COL14A1: variants seen among roughly 807,000 people sequenced by gnomAD.
COL14A1 encodes the protein collagen alpha-1(XIV) chain.
Under a neutral mutation model 230.3 loss-of-function variants are expected in COL14A1, and 136 were observed. The ratio of observed to expected loss-of-function variants is 0.59; its 90% confidence interval spans 0.51 to 0.68. The LOEUF is 0.68. Among genes scored for constraint, COL14A1 ranks in the 30% least tolerant of loss-of-function variants. COL14A1 has a pLI of 0.00. For synonymous variants in COL14A1, 792 were observed against 784.1 expected, an observed-to-expected ratio of 1.01 and a Z score of -0.17; for missense variants, 1,976 against 2,215.8, an observed-to-expected ratio of 0.89 and a Z score of 2.17.
At chr8:120,316,893 G>A (rs1015026016) in intron 40 of COL14A1, among the ~76,000 whole-genome samples, 11 of 152,216 alleles carry the variant, frequency 7.2e-5, no homozygotes, top group Admixed American at 2.0e-4. Flanking sequence ...TTGAATGCAT[G>A]TGCACACTTA....
At position 120,372,007 on chromosome 8, in the gene COL14A1, T is replaced by G. The variant is rs187362022; in HGVS notation, c.*776T>G. ...TTTCGCAAACCTATTTCCATTTTCT[T>G]TTGTAAGCAAATAAAACTTTAAAAC... On this transcript the variant is annotated 3_prime_UTR_variant, in exon 48 of 48. Transcript: ENST00000297848. 6 of 190,898 alleles carry G rather than the reference T, an allele frequency of 3.1e-5. No homozygotes were observed. The East Asian group carries it at 7.1e-4, about 23-fold the overall frequency. The allele number at this position is 190,898 out of a possible 1,614,324, so 11.8% of individuals were successfully genotyped here.
chr8:120,127,415 C>G (rs1814378746), intron 1 of COL14A1, among the ~76,000 whole-genome samples: 1 of 152,182 alleles, frequency 6.6e-6, no homozygotes, highest in Non-Finnish European at 1.5e-5. Flanking sequence ...TCCTTGGAAC[C>G]CATCAGGATT....
Position 120,371,235 on chromosome 8 carries a change from C to T in COL14A1, c.*4C>T. The T allele has an allele frequency of 6.2e-7, 1 of 1,604,820 alleles. No homozygotes were observed. Among genetic ancestry groups the T allele is most frequent in the Non-Finnish European group, 8.5e-7 (1 of 1,175,622 alleles). The stretch of plus-strand genomic sequence containing the variant: ...ACTGTGGGGCCCTGGAGTCTGATAG[C>T]CTCAGGAGAAATTTGAAGACCAACT... On this transcript the variant is annotated 3_prime_UTR_variant, in exon 48 of 48. Transcript: ENST00000297848.
intron 21 of COL14A1, among the ~76,000 whole-genome samples, chr8:120,249,826 TG>T (rs1321856290): frequency 6.6e-6 from 1 of 152,126 alleles, no homozygotes; most frequent in African/African-American, 2.4e-5. Flanking sequence ...GTGTGGGGCA[TG>T]GGAAAATTGC....
intron 44 of COL14A1, among the ~76,000 whole-genome samples, chr8:120,344,719 C>T (rs1241801725): frequency 6.6e-6 from 1 of 152,122 alleles, no homozygotes; most frequent in African/African-American, 2.4e-5. Context: ...TGGGAAAACT[C>T]CTCTCCTAAT....
intron 4 of COL14A1, among the ~76,000 whole-genome samples, chr8:120,166,896 G>GTA (rs1341792980): frequency 1.3e-5 from 2 of 149,224 alleles, no homozygotes; most frequent in Non-Finnish European, 3.0e-5. Flanking sequence ...GTGTGTGTGT[G>GTA]TGTGTGTGTG....
chr8:120,280,555 A>T (rs1485497494), intron 29 of COL14A1, among the ~76,000 whole-genome samples, 156 bp from the exon 30 acceptor site: 1 of 152,202 alleles, frequency 6.6e-6, no homozygotes, highest in Non-Finnish European at 1.5e-5. Context: ...TTCAATCTTC[A>T]TGAAACCACA....
intron 42 of COL14A1, 99 bp downstream of exon 42, chr8:120,332,834 T>C: frequency 1.1e-6 from 1 of 912,478 alleles, no homozygotes; most frequent in African/African-American, 1.7e-5. Context: ...GAAATGTTTA[T>C]TCAGCACTGG....
At chr8:120,170,359 C>G (rs908207944) in intron 5 of COL14A1, among the ~76,000 whole-genome samples, 8 of 151,940 alleles carry the variant, frequency 5.3e-5, no homozygotes, top group Non-Finnish European at 8.8e-5. Context: ...TGCTGTAGTT[C>G]ATACTATTTT....
intron 44 of COL14A1, 97 bp downstream of exon 44, chr8:120,342,543 A>G (rs1822343029): frequency 3.4e-6 from 4 of 1,167,744 alleles, no homozygotes; most frequent in Non-Finnish European, 2.5e-6. Flanking sequence ...GGAAAACTCT[A>G]AAGCATTGTC....
chr8:120,235,347 T>C (rs1159793530), intron 19 of COL14A1, among the ~76,000 whole-genome samples: 1 of 152,080 alleles, frequency 6.6e-6, no homozygotes, highest in Non-Finnish European at 1.5e-5. Flanking sequence ...TTTTTGTTTT[T>C]TTTAGTAGAG....
chr8:120,139,931 G>C (rs1052583096), intron 1 of COL14A1, among the ~76,000 whole-genome samples: 12 of 152,140 alleles, frequency 7.9e-5, no homozygotes, highest in African/African-American at 2.7e-4. Context: ...AGGAGGCTGA[G>C]GCAGGAGGAT....
intron 10 of COL14A1, 84 bp downstream of exon 10, chr8:120,207,178 T>C: frequency 8.7e-7 from 1 of 1,151,608 alleles, no homozygotes. Context: ...GAAATATAAA[T>C]ATAAGATTAT....
intron 40 of COL14A1, among the ~76,000 whole-genome samples, chr8:120,331,805 A>G (rs1311029163): frequency 6.6e-6 from 1 of 152,232 alleles, no homozygotes; most frequent in African/African-American, 2.4e-5. Flanking sequence ...ATACTAATTC[A>G]TCTTTTCATC....
chr8:120,296,451 C>T (rs141782456), intron 34 of COL14A1, among the ~76,000 whole-genome samples: 4,006 of 151,918 alleles, frequency 0.026, 92 homozygotes, highest in South Asian at 0.043. Flanking sequence ...TCTACTTGGG[C>T]ATTACCATTT....
intron 5 of COL14A1, among the ~76,000 whole-genome samples, chr8:120,174,074 CA>C (rs1271373648): frequency 6.6e-6 from 1 of 152,138 alleles, no homozygotes; most frequent in East Asian, 1.9e-4. Context: ...GAAAAGTCTA[CA>C]AAAGGATGAC....
intron 45 of COL14A1, among the ~76,000 whole-genome samples, chr8:120,363,439 G>A (rs2130375514): frequency 6.6e-6 from 1 of 152,262 alleles, no homozygotes; most frequent in Non-Finnish European, 1.5e-5. Context: ...GGCAAGGGGA[G>A]GAAGAGCATC....
At chr8:120,167,861 A>G (rs182075272) in intron 4 of COL14A1, among the ~76,000 whole-genome samples, 2 of 152,298 alleles carry the variant, frequency 1.3e-5, no homozygotes, top group African/African-American at 4.8e-5. Flanking sequence ...TCCCTCATGT[A>G]TAAGCTAGGG....
Position 120,250,611 on chromosome 8 carries a change from C to G in COL14A1, c.2603-6C>G, listed in dbSNP as rs201347074. The G allele has an allele frequency of 6.2e-7, 1 of 1,614,004 alleles. No homozygotes were observed. The highest frequency in any genetic ancestry group is 8.5e-7 in the Non-Finnish European group (1 of 1,179,902). ...GTAACTAAAATATATCCTCTTTCTT[C>G]TTTAGTTCCTGGTCCAACACTGGAA... On this transcript the variant is annotated splice_polypyrimidine_tract_variant and splice_region_variant and intron_variant, in intron 21 of 47. Coordinates refer to ENST00000297848, the MANE Select transcript of COL14A1 (RefSeq NM_021110.4).
Sources: allele counts gnomAD v4.1 joint callset (sites outside exome capture counted in the v4.1 genomes callset), GRCh38; gene constraint gnomAD v4.1.1; transcripts MANE v1.5; gene names NCBI Gene and HGNC (gene_info 2026-07-23, HGNC 2026-07-21).